The following TRAPPC10 variants were observed in gnomAD, a reference collection of about 807,000 sequenced individuals.
The protein encoded by TRAPPC10 is trafficking protein particle complex subunit 10.
In TRAPPC10, 23 loss-of-function variants were observed where a neutral mutation model predicts 125.5. The observed-to-expected ratio is 0.18, with a 90% CI of 0.13 to 0.26. TRAPPC10 has a LOEUF of 0.26. Among genes scored for constraint, TRAPPC10 ranks in the 10% least tolerant of loss-of-function variants. The pLI is 1.00. For synonymous variants in TRAPPC10, 509 were observed against 518.0 expected, an observed-to-expected ratio of 0.98 and a Z score of 0.24; for missense variants, 1,123 against 1,308.4, an observed-to-expected ratio of 0.86 and a Z score of 2.19.
intron 20 of TRAPPC10, among the ~76,000 whole-genome samples, chr21:44,095,084 C>G (rs1054991470): frequency 1.3e-5 from 2 of 149,930 alleles, no homozygotes; most frequent in Admixed American, 6.7e-5. Flanking sequence ...AGGTCTCACT[C>G]TGTTGCCCAG....
At chr21:44,020,084 G>A (rs1347367857) in intron 1 of TRAPPC10, among the ~76,000 whole-genome samples, 1 of 151,502 alleles carries the variant, frequency 6.6e-6, no homozygotes, top group African/African-American at 2.4e-5. Flanking sequence ...CAGTGACCAG[G>A]GACCATTCCA....
intron 7 of TRAPPC10, among the ~76,000 whole-genome samples, chr21:44,071,445 G>A (rs1212309219): frequency 2.0e-5 from 3 of 152,152 alleles, no homozygotes; most frequent in Admixed American, 1.3e-4. Context: ...AACATGTCTG[G>A]AAGTCTTAGA....
In TRAPPC10 at chr21:44,063,515, T is replaced by A; in HGVS notation, c.791-23T>A. Reference sequence around the variant, plus strand: ...AGGTGAAGTACCTGCAATCAGCACCTTTCATGATGTGTGTTTGTTTAGATG... The same window carrying A: ...AGGTGAAGTACCTGCAATCAGCACCATTCATGATGTGTGTTTGTTTAGATG... On this transcript the variant is annotated intron_variant, in intron 6 of 22. Coordinates refer to ENST00000291574, the MANE Select transcript of TRAPPC10 (RefSeq NM_003274.5). The surrounding 1 kb of genome is among the most constrained non-coding windows in gnomAD (Gnocchi z 4.4). The A allele has an allele frequency of 6.2e-7, 1 of 1,611,574 alleles. No homozygotes were observed. Among genetic ancestry groups the A allele is most frequent in the Non-Finnish European group, 8.5e-7 (1 of 1,178,278 alleles).
At position 44,074,460 on chromosome 21, in the gene TRAPPC10, C is replaced by T. The variant is rs774372325; in HGVS notation, c.1175C>T (p.Ala392Val). 2 of 1,614,198 alleles carry T rather than the reference C, an allele frequency of 1.2e-6. No homozygotes were observed. The highest frequency in any genetic ancestry group is 1.7e-6 in the Non-Finnish European group (2 of 1,180,024). Residue 392 changes from alanine (A) to valine (V), a missense_variant, in exon 8 of 23, where the codon GCC (alanine) becomes GTC (valine). Physicochemically the swap from Ala to Val is moderately conservative, Grantham distance 64 (BLOSUM62 0). Transcript: ENST00000291574. ...CACACTGTGGGGCTATGGAGCTATG[C>T]CACAGAAAAGGTGCCTACCTGCCCA... Reference protein sequence around the residue: ...IAHTVGLWSYATEKLKSLGYL... With the variant: ...IAHTVGLWSYVTEKLKSLGYL...
At position 44,052,290 on chromosome 21, in the gene TRAPPC10, T is replaced by A; in HGVS notation, c.296T>A (p.Val99Glu). Residue 99 changes from valine (V) to glutamate (E), a missense_variant, in exon 4 of 23, where the codon GTG (valine) becomes GAG (glutamate). By Grantham distance (121) the Val-to-Glu change is moderately radical (BLOSUM62 -2). This residue lies in a region of TRAPPC10 where 177 missense variants were observed against 228.9 expected (regional missense o/e 0.77). Coordinates refer to ENST00000291574, the MANE Select transcript of TRAPPC10 (RefSeq NM_003274.5). ...CTTGTTTGTTTTTAGGATACCGAAG[T>A]GTATAAAGCTACAGTAAAAGATGAC... ...IYWTECCDTE[V>E]YKATVKDDLT... is the part of the protein sequence containing the mutation. 6.3e-7 allele frequency: 1 copy of A among 1,585,808 alleles called. No individual in the cohort carries two copies. Among genetic ancestry groups the A allele is most frequent in the Non-Finnish European group, 8.5e-7 (1 of 1,170,508 alleles).
chr21:44,088,632 G>A (rs767213851), intron 17 of TRAPPC10: 21 of 155,780 alleles, frequency 1.3e-4, no homozygotes, highest in Admixed American at 3.8e-4. Context: ...ACCTGAGGAA[G>A]TGTCTTTCCC....
intron 7 of TRAPPC10, among the ~76,000 whole-genome samples, chr21:44,073,996 T>C (rs1033795981): frequency 1.3e-5 from 2 of 152,106 alleles, no homozygotes; most frequent in African/African-American, 4.8e-5. Flanking sequence ...AAAAAAATTC[T>C]TTTTCTATAT....
Position 44,091,395 on chromosome 21 carries a change from C to T in TRAPPC10, c.2871-528C>T, listed in dbSNP as rs993551628. On this transcript the variant is annotated intron_variant, in intron 18 of 22. Coordinates refer to ENST00000291574, the MANE Select transcript of TRAPPC10 (RefSeq NM_003274.5). Reference sequence around the variant, plus strand: ...TGGTCAGAAACTATATTCTTTCTTCCATTGCCTCACAGAACTTGCCTCTTT... The same window carrying T: ...TGGTCAGAAACTATATTCTTTCTTCTATTGCCTCACAGAACTTGCCTCTTT... Among the ~76,000 whole-genome samples, 24 of 152,138 alleles carry T rather than the reference C, an allele frequency of 1.6e-4. 1 individual carries two copies. Among genetic ancestry groups the T allele is most frequent in the East Asian group, 1.5e-3 (8 of 5,202 alleles).
chr21:44,066,689 A>G (rs1345040170), intron 7 of TRAPPC10, among the ~76,000 whole-genome samples: 2 of 152,154 alleles, frequency 1.3e-5, no homozygotes, highest in African/African-American at 4.8e-5. Flanking sequence ...GATGAACTGC[A>G]GTTATTTCCT....
At chr21:44,042,164 C>G (rs1057134845) in intron 3 of TRAPPC10, among the ~76,000 whole-genome samples, 10 of 152,212 alleles carry the variant, frequency 6.6e-5, no homozygotes, top group East Asian at 5.8e-4. Flanking sequence ...TTTCTACTTT[C>G]ATTTGTATTA....
chr21:44,045,337 C>T (rs575355910), intron 3 of TRAPPC10, among the ~76,000 whole-genome samples: 3 of 151,586 alleles, frequency 2.0e-5, no homozygotes, highest in South Asian at 2.1e-4. Context: ...AGGTCTGTTA[C>T]GGTAAGCTCT....
intron 10 of TRAPPC10, 91 bp from the exon 11 acceptor site, chr21:44,077,602 A>G (rs552862714): frequency 1.2e-5 from 12 of 1,024,420 alleles, no homozygotes; most frequent in African/African-American, 1.6e-5. Flanking sequence ...AAACCCAACA[A>G]TGTCTTTTGT....
rs756976242 is a variant in TRAPPC10 at position 44,086,806 on chromosome 21, C to G, written c.2385C>G (p.Ser795Arg). 5 of 1,613,996 alleles carry G rather than the reference C, an allele frequency of 3.1e-6. No individual in the cohort carries two copies. The East Asian group carries it at 1.1e-4, about 36-fold the overall frequency. ...PQLHVEPLAD[S>R]LLAGIPQRVK... ...CCACGATCTCTTTTCCTTTAGATAG[C>G]CTTCTGGCAGGCATTCCTCAGAGAG... Residue 795 changes from serine to arginine, a missense_variant, in exon 16 of 23, where the codon AGC becomes AGG. This residue lies in a region of TRAPPC10 where 840 missense variants were observed against 902.0 expected (regional missense o/e 0.93). Transcript: ENST00000291574.
At chr21:44,058,033 T>G (rs2035740228) in intron 5 of TRAPPC10, among the ~76,000 whole-genome samples, 1 of 152,208 alleles carries the variant, frequency 6.6e-6, no homozygotes, top group Non-Finnish European at 1.5e-5. Context: ...CACGGACAGG[T>G]GCCAGGCCCT....
chr21:44,059,269 T>G lies in TRAPPC10; in HGVS notation c.790+55T>G. Reference sequence around the variant, plus strand: ...TTTTCTTAGTGTGGCTTTCTCCAACTTCAGATAGGCTTGAAGCAGCCATTT... The same window carrying G: ...TTTTCTTAGTGTGGCTTTCTCCAACGTCAGATAGGCTTGAAGCAGCCATTT... On this transcript the variant is annotated intron_variant, in intron 6 of 22. Coordinates refer to ENST00000291574, the MANE Select transcript of TRAPPC10 (RefSeq NM_003274.5). This position sits in a 1 kb window ranked among gnomAD's most constrained non-coding sequence, Gnocchi z 4.4. 7.5e-7 allele frequency: 1 copy of G among 1,337,628 alleles called. No homozygotes were observed. The highest frequency in any genetic ancestry group is 1.0e-6 in the Non-Finnish European group (1 of 959,612). 82.9% of individuals were successfully genotyped at this position (1,337,628 alleles called of 1,614,324 possible). A position where few individuals can be genotyped will look rare whatever the true frequency, so the allele number is the denominator to read the frequency against.
chr21:44,013,093 C>T (rs1298681670), intron 1 of TRAPPC10, among the ~76,000 whole-genome samples: 1 of 152,188 alleles, frequency 6.6e-6, no homozygotes, highest in Non-Finnish European at 1.5e-5. Context: ...CACTTCCCCG[C>T]CGCGCACTCA....
chr21:44,040,087 C>A (rs1202472403), intron 3 of TRAPPC10, among the ~76,000 whole-genome samples: 2 of 152,202 alleles, frequency 1.3e-5, no homozygotes, highest in East Asian at 3.8e-4. Context: ...CTAAACTTTT[C>A]CTTTTGGACA....
At chr21:44,065,316 G>GCT (rs1569186640) in intron 7 of TRAPPC10, among the ~76,000 whole-genome samples, 1 of 152,162 alleles carries the variant, frequency 6.6e-6, no homozygotes, top group Non-Finnish European at 1.5e-5. Flanking sequence ...TCCTCTAGGT[G>GCT]CTCGTCTGCA....
rs33940679 is a variant in TRAPPC10 at position 44,047,532 on chromosome 21, ATGTG to A, written c.286-4717_286-4714del. Among the ~76,000 whole-genome samples, 1,117 of 142,848 alleles carry A rather than the reference ATGTG, an allele frequency of 7.8e-3. 14 individuals are homozygous for A. The highest frequency in any genetic ancestry group is 0.029 in the Middle Eastern group (8 of 278). 93.7% of individuals were successfully genotyped at this position (142,848 alleles called of 152,430 possible). Reference sequence around the variant, plus strand: ...TCTGTTGCACCCTCTCTGGGGGAGTATGTGTGTGTGTGTGTGTGTGTGTGTGTGT... The same window carrying A: ...TCTGTTGCACCCTCTCTGGGGGAGTATGTGTGTGTGTGTGTGTGTGTGTGT... On this transcript the variant is annotated intron_variant, in intron 3 of 22. Transcript: ENST00000291574.
Sources: allele counts gnomAD v4.1 joint callset (sites outside exome capture counted in the v4.1 genomes callset), GRCh38; gene constraint gnomAD v4.1.1; regional missense constraint gnomAD v4.1.1; non-coding constraint Gnocchi (gnomAD v3.1); transcripts MANE v1.5; gene names NCBI Gene and HGNC (gene_info 2026-07-23, HGNC 2026-07-21).